The following SGCZ variants were observed in gnomAD, a reference collection of about 807,000 sequenced individuals.
The protein encoded by SGCZ is zeta-sarcoglycan.
A neutral mutation model predicts 41.3 loss-of-function variants in SGCZ; 40 were observed. The ratio of observed to expected loss-of-function variants is 0.97; its 90% CI spans 0.75 to 1.26. The LOEUF (loss-of-function observed/expected upper bound fraction) is 1.26, where lower values mean the gene tolerates loss of function less well. Ranked by LOEUF, SGCZ falls within the 50% of genes most tolerant of loss-of-function variation. SGCZ has a pLI of 0.00. For missense variants in SGCZ, 552 were observed against 369.8 expected, an observed-to-expected ratio of 1.49 and a Z score of -4.04; for synonymous variants, 206 against 137.5, an observed-to-expected ratio of 1.50 and a Z score of -3.49.
In SGCZ at chr8:15,012,306, A is replaced by C. The variant is rs544059098; in HGVS notation, c.39+225279T>G. ...AGCAAACCTCCACCTCTACAGAAAAATAAAAAATTAGCATGATGTGGTGAC... is the reference window on the plus strand; with the variant it reads ...AGCAAACCTCCACCTCTACAGAAAACTAAAAAATTAGCATGATGTGGTGAC... On this transcript the variant is annotated intron_variant, in intron 1 of 7. Coordinates refer to ENST00000382080, the MANE Select transcript of SGCZ (RefSeq NM_139167.4). Among the ~76,000 whole-genome samples, 43 of 151,650 alleles carry C rather than the reference A, an allele frequency of 2.8e-4. 1 individual carries two copies. In the South Asian group the frequency reaches 7.5e-3, roughly 26 times the overall value.
intron 4 of SGCZ, among the ~76,000 whole-genome samples, chr8:14,197,914 A>G (rs527387985): frequency 3.3e-5 from 5 of 152,252 alleles, no homozygotes; most frequent in East Asian, 1.9e-4. Context: ...ATTAAAAAAT[A>G]TATATAAAGT....
intron 1 of SGCZ, among the ~76,000 whole-genome samples, chr8:15,016,547 C>CTGTTATCGCAGACGCTCATTGAA (rs1803042064): frequency 6.6e-6 from 1 of 152,194 alleles, no homozygotes; most frequent in Admixed American, 6.5e-5. Flanking sequence ...CAGGAACGCA[C>CTGTTATCGCAGACGCTCATTGAA]TGTTATCGCA....
At chr8:14,459,468 T>C (rs777511195) in intron 2 of SGCZ, among the ~76,000 whole-genome samples, 10 of 151,954 alleles carry the variant, frequency 6.6e-5, no homozygotes, top group Non-Finnish European at 1.3e-4. Flanking sequence ...CTAATACATA[T>C]AGAAGGCAGA....
chr8:14,400,311 A>G lies in SGCZ; in HGVS notation c.235-76107T>C, dbSNP rs561533450. Among the ~76,000 whole-genome samples the G allele has an allele frequency of 9.8e-5, 15 of 152,286 alleles. No homozygotes were observed. The South Asian group carries it at 3.1e-3, about 32-fold the overall frequency. ...TTTCTGGCTATTAAGAATAATACAC[A>G]TACAAGCATGCATGAACAAGATTTT... On this transcript the variant is annotated intron_variant, in intron 2 of 7. Coordinates refer to ENST00000382080, the MANE Select transcript of SGCZ (RefSeq NM_139167.4).
At chr8:15,124,253 T>A (rs1034911311) in intron 1 of SGCZ, among the ~76,000 whole-genome samples, 2 of 152,222 alleles carry the variant, frequency 1.3e-5, no homozygotes, top group African/African-American at 4.8e-5. Context: ...CCTGCTCCAA[T>A]ATTTTAAAAG....
intron 1 of SGCZ, among the ~76,000 whole-genome samples, chr8:14,971,121 T>C (rs1801281785): frequency 6.6e-6 from 1 of 152,196 alleles, no homozygotes; most frequent in Non-Finnish European, 1.5e-5. Flanking sequence ...TCGATTTTTA[T>C]CTTGAATCTT....
chr8:14,927,419 T>C (rs1316843848), intron 1 of SGCZ, among the ~76,000 whole-genome samples: 1 of 152,100 alleles, frequency 6.6e-6, no homozygotes, highest in Non-Finnish European at 1.5e-5. Context: ...AAGTTCCTGA[T>C]TCTTAAACTC....
intron 7 of SGCZ, among the ~76,000 whole-genome samples, chr8:14,091,804 C>A (rs894189491): frequency 2.6e-5 from 4 of 152,096 alleles, no homozygotes; most frequent in African/African-American, 7.2e-5. Context: ...ATGATAGTTT[C>A]TTTTGCTGGG....
intron 4 of SGCZ, among the ~76,000 whole-genome samples, chr8:14,185,278 C>A (rs908359462): frequency 6.6e-6 from 1 of 152,062 alleles, no homozygotes; most frequent in African/African-American, 2.4e-5. Context: ...GTGGCACATG[C>A]CTGTAGTCCT....
chr8:14,186,886 G>C (rs901675112), intron 4 of SGCZ, among the ~76,000 whole-genome samples: 1 of 152,216 alleles, frequency 6.6e-6, no homozygotes. Context: ...TAAGAGCTCT[G>C]AGTCAGAACA....
At chr8:15,093,973 C>A (rs1806241950) in intron 1 of SGCZ, among the ~76,000 whole-genome samples, 1 of 152,094 alleles carries the variant, frequency 6.6e-6, no homozygotes, top group African/African-American at 2.4e-5. Flanking sequence ...GCAAGAAAGA[C>A]CTCATTCTCA....
At chr8:14,581,712 C>G (rs1804895255) in intron 1 of SGCZ, among the ~76,000 whole-genome samples, 1 of 152,074 alleles carries the variant, frequency 6.6e-6, no homozygotes, top group Non-Finnish European at 1.5e-5. Flanking sequence ...TGCAACTCCC[C>G]AAACTGTCAA....
At chr8:14,640,607 C>CTT (rs1563172221) in intron 1 of SGCZ, among the ~76,000 whole-genome samples, 2 of 150,970 alleles carry the variant, frequency 1.3e-5, no homozygotes, top group African/African-American at 4.9e-5. Flanking sequence ...AAACACCACA[C>CTT]ATATATATAT....
intron 1 of SGCZ, among the ~76,000 whole-genome samples, chr8:14,692,610 C>CA (rs1808834394): frequency 6.6e-6 from 1 of 152,112 alleles, no homozygotes; most frequent in Non-Finnish European, 1.5e-5. Context: ...AAAGCAACTG[C>CA]TTTGTGGAGA....
At chr8:15,177,322 A>G (rs1295579247) in intron 1 of SGCZ, among the ~76,000 whole-genome samples, 2 of 152,178 alleles carry the variant, frequency 1.3e-5, no homozygotes, top group Admixed American at 6.5e-5. Context: ...ACAGCAGCTG[A>G]TGGATAACGA....
intron 1 of SGCZ, among the ~76,000 whole-genome samples, chr8:14,605,525 C>A (rs559467294): frequency 6.6e-6 from 1 of 151,826 alleles, no homozygotes; most frequent in Non-Finnish European, 1.5e-5. Context: ...TTTTTTTGTA[C>A]CCATTAACCA....
intron 1 of SGCZ, among the ~76,000 whole-genome samples, chr8:15,128,032 C>T (rs1205650138): frequency 6.6e-6 from 1 of 152,110 alleles, no homozygotes; most frequent in Non-Finnish European, 1.5e-5. Flanking sequence ...ATGTACTATG[C>T]TATTATTCAG....
At chr8:14,959,518 AT>A (rs1405705034) in intron 1 of SGCZ, among the ~76,000 whole-genome samples, 1 of 152,190 alleles carries the variant, frequency 6.6e-6, no homozygotes, top group African/African-American at 2.4e-5. Flanking sequence ...GTTTTAAAAT[AT>A]ACAAAACAGC....
At chr8:14,388,429 A>C (rs1362113375) in intron 2 of SGCZ, among the ~76,000 whole-genome samples, 4 of 152,112 alleles carry the variant, frequency 2.6e-5, no homozygotes. Context: ...AGATTAGGAG[A>C]ATATTTTTTC....
Sources: allele counts gnomAD v4.1 joint callset (sites outside exome capture counted in the v4.1 genomes callset), GRCh38; gene constraint gnomAD v4.1.1; transcripts MANE v1.5; gene names NCBI Gene and HGNC (gene_info 2026-07-23, HGNC 2026-07-21).